Variants in KRT23 observed in about 807,000 individuals in gnomAD.
The protein encoded by KRT23 is keratin 23.
Under a neutral mutation model 47.6 loss-of-function variants are expected in KRT23, and 38 were observed. That is an observed-to-expected ratio of 0.80 (90% CI 0.62 to 1.05). KRT23 has a LOEUF of 1.05. KRT23 is among the 50% of genes least tolerant of loss of function. KRT23 has a pLI of 0.00. For missense variants in KRT23, 503 were observed against 529.5 expected, an observed-to-expected ratio of 0.95 and a Z score of 0.49; for synonymous variants, 191 against 199.0, an observed-to-expected ratio of 0.96 and a Z score of 0.34.
At chr17:40,925,060 C>A (rs546391053) in intron 7 of KRT23, 10 of 399,400 alleles carry the variant, frequency 2.5e-5, no homozygotes, top group African/African-American at 2.1e-4. Flanking sequence ...TTTTTGGAGC[C>A]AAAATTGTGT....
In KRT23 at chr17:40,930,081, G is replaced by A. The variant is rs892584042; in HGVS notation, c.495C>T (p.His165=). The change falls in exon 4 of 9, where the codon CAC becomes CAT. Residue 165 remains histidine, a synonymous_variant. Transcript: ENST00000209718. ...CAATTTCCAAGTCTTTCTTAAAGGA[G>A]TGTTCATTTTCATACCTTTGGTGAG... is the stretch of plus-strand genomic sequence containing the variant. ...DDFNLKYENE[H]SFKKDLEIEV... The A allele has an allele frequency of 9.9e-6, 16 of 1,613,994 alleles. No individual in the cohort carries two copies. Among genetic ancestry groups the A allele is most frequent in the Middle Eastern group, 1.6e-4 (1 of 6,084 alleles).
At chr17:40,928,706 C>T (rs548681877) in intron 4 of KRT23, 99 bp from the exon 5 acceptor site, 34 of 1,125,322 alleles carry the variant, frequency 3.0e-5, no homozygotes, top group African/African-American at 6.2e-5. Flanking sequence ...TTAAACATTC[C>T]GATTATGTGG....
chr17:40,936,150 C>T (rs549025096), intron 2 of KRT23, 58 bp downstream of exon 2: 22 of 1,595,264 alleles, frequency 1.4e-5, no homozygotes, highest in East Asian at 1.3e-4. Context: ...TTTTTCCTCC[C>T]GAGGGTCCCC....
At chr17:40,931,634 G>A (rs1406497177) in intron 2 of KRT23, among the ~76,000 whole-genome samples, 179 bp from the exon 3 acceptor site, 1 of 152,200 alleles carries the variant, frequency 6.6e-6, no homozygotes, top group Admixed American at 6.5e-5. Flanking sequence ...CACATACTAG[G>A]TGCAAAGCAG....
intron 6 of KRT23, among the ~76,000 whole-genome samples, chr17:40,927,403 A>T (rs1232300057): frequency 1.3e-5 from 2 of 152,178 alleles, no homozygotes; most frequent in South Asian, 2.1e-4. Context: ...TGTACTCATG[A>T]TCTCTACGTG....
In KRT23 at chr17:40,928,492, A is replaced by T; in HGVS notation, c.752T>A (p.Ile251Lys). Residue 251 changes from isoleucine to lysine, a missense_variant, in exon 5 of 9, where the codon ATA becomes AAA. Coordinates refer to ENST00000209718, the MANE Select transcript of KRT23 (RefSeq NM_015515.5). Reference protein sequence around the residue: ...LEDMRQEYELIIKKKHRDLDT... With the variant: ...LEDMRQEYELKIKKKHRDLDT... ...CAAGTCTCGATGCTTCTTCTTTATT[A>T]TAAGCTCATATTCTTGTCTCATATC... 6.2e-7 allele frequency: 1 copy of T among 1,614,148 alleles called. No homozygotes were observed.
At chr17:40,926,014 A>G (rs1313339373) in intron 6 of KRT23, among the ~76,000 whole-genome samples, 1 of 152,160 alleles carries the variant, frequency 6.6e-6, no homozygotes, top group Non-Finnish European at 1.5e-5. Context: ...TGCATGGGAC[A>G]TGCAAAAAAA....
intron 3 of KRT23, 104 bp downstream of exon 3, chr17:40,931,269 C>T (rs974755690): frequency 2.5e-6 from 2 of 802,448 alleles, no homozygotes; most frequent in African/African-American, 1.7e-5. Flanking sequence ...CTTGGCCTCC[C>T]AAAGTGCTGG....
Position 40,936,534 on chromosome 17 carries a change from G to A in KRT23, c.70C>T (p.Arg24Trp). Residue 24 changes from arginine (R) to tryptophan (W), a missense_variant, in exon 2 of 9, where the codon CGG (arginine) becomes TGG (tryptophan). Arg to Trp is a moderately radical substitution (Grantham distance 101). Transcript: ENST00000209718. The part of the protein sequence containing the change: ...SFHGAGGGWG[R>W]PRSFPRAPTV... ...GGAGCCCTGGGGAAGCTCCTGGGCCGGCCCCAGCCACCTCCGGCGCCATGG... is the reference window on the plus strand; with the variant it reads ...GGAGCCCTGGGGAAGCTCCTGGGCCAGCCCCAGCCACCTCCGGCGCCATGG... 4.6e-6 allele frequency: 7 copies of A among 1,522,340 alleles called. No individual in the cohort carries two copies. Among genetic ancestry groups the A allele is most frequent in the Non-Finnish European group, 5.3e-6 (6 of 1,138,182 alleles). The allele number at this position is 1,522,340 out of a possible 1,614,324, so 94.3% of individuals were successfully genotyped here. A position where few individuals can be genotyped will look rare whatever the true frequency, so the allele number is the denominator to read the frequency against.
intron 8 of KRT23, among the ~76,000 whole-genome samples, chr17:40,923,383 C>T (rs1174623035): frequency 6.6e-6 from 1 of 152,216 alleles, no homozygotes; most frequent in Non-Finnish European, 1.5e-5. Flanking sequence ...AGTTCTTTCT[C>T]TGCCTGTGGG....
In KRT23 at chr17:40,936,544, A is replaced by G; in HGVS notation, c.60T>C (p.Gly20=). ...TPSASFHGAG[G]GWGRPRSFPR... ...GGAAGCTCCTGGGCCGGCCCCAGCC[A>G]CCTCCGGCGCCATGGAAGGAGGCCG... The change falls in exon 2 of 9, where the codon GGT becomes GGC. Residue 20 remains glycine, a synonymous_variant. Coordinates refer to ENST00000209718, the MANE Select transcript of KRT23 (RefSeq NM_015515.5). The G allele has an allele frequency of 6.6e-7, 1 of 1,520,454 alleles. No individual in the cohort carries two copies. The highest frequency in any genetic ancestry group is 8.8e-7 in the Non-Finnish European group (1 of 1,137,176). 94.2% of individuals were successfully genotyped at this position (1,520,454 alleles called of 1,614,324 possible).
At chr17:40,924,183 C>T (rs192701859) in intron 8 of KRT23, among the ~76,000 whole-genome samples, 2 of 152,294 alleles carry the variant, frequency 1.3e-5, no homozygotes, top group Non-Finnish European at 2.9e-5. Context: ...AAATCATTGC[C>T]TCTTAGTTTT....
chr17:40,936,698 C>A lies in KRT23; in HGVS notation c.-95G>T. ...CAGACTGCCCTGGATGGTTTTATGG[C>A]CTTTGCTGTGGGAGTTCCCTTCTCT... On this transcript the variant is annotated 5_prime_UTR_variant, in exon 2 of 9. Transcript: ENST00000209718. The A allele has an allele frequency of 8.4e-7, 1 of 1,193,896 alleles. No individual in the cohort carries two copies. Among genetic ancestry groups the A allele is most frequent in the Non-Finnish European group, 1.1e-6 (1 of 891,548 alleles). The allele number at this position is 1,193,896 out of a possible 1,614,324, so 74.0% of individuals were successfully genotyped here.
chr17:40,931,071 G>A (rs1023841792), intron 3 of KRT23, among the ~76,000 whole-genome samples: 1 of 145,228 alleles, frequency 6.9e-6, no homozygotes, highest in Non-Finnish European at 1.5e-5. Flanking sequence ...AGTGTTAGTG[G>A]CGTGATCTTG....
intron 8 of KRT23, 69 bp downstream of exon 8, chr17:40,924,403 T>C: frequency 7.9e-7 from 1 of 1,268,830 alleles, no homozygotes; most frequent in Non-Finnish European, 1.2e-6. Context: ...GGATTATGAC[T>C]ACTACAAAAT....
intron 6 of KRT23, 139 bp downstream of exon 6, chr17:40,928,099 C>T (rs1909343483): frequency 1.4e-5 from 15 of 1,072,250 alleles, no homozygotes; most frequent in Non-Finnish European, 2.1e-5. Flanking sequence ...TTATGGTTCT[C>T]ATCATAAACA....
rs868357650 is a variant in KRT23 at position 40,922,733 on chromosome 17, T to C, written c.*256A>G. ...GGAGTTTTATTGGCTACAAAATAGA[T>C]GCAAAATGATGAGAATCTGAAGGCT... On this transcript the variant is annotated 3_prime_UTR_variant, in exon 9 of 9. Coordinates refer to ENST00000209718, the MANE Select transcript of KRT23 (RefSeq NM_015515.5). 8 of 346,086 alleles carry C rather than the reference T, an allele frequency of 2.3e-5. No homozygotes were observed. The highest frequency in any genetic ancestry group is 1.4e-4 in the Admixed American group (3 of 21,410). The allele number at this position is 346,086 out of a possible 1,614,324, so 21.4% of individuals were successfully genotyped here. A position where few individuals can be genotyped will look rare whatever the true frequency, so the allele number is the denominator to read the frequency against.
In KRT23 at chr17:40,937,625, C is replaced by G. The variant is rs1910187637; in HGVS notation, c.-630G>C. The G allele has an allele frequency of 6.6e-6, 1 of 152,192 alleles. No homozygotes were observed. Among genetic ancestry groups the G allele is most frequent in the Non-Finnish European group, 1.5e-5 (1 of 68,066 alleles). 9.4% of individuals were successfully genotyped at this position (152,192 alleles called of 1,614,324 possible). The stretch of plus-strand genomic sequence containing the variant: ...AATGAATAAAGAAGCAGTCTGGGGG[C>G]GGGAGCCACGTGCTAGTTACTGGCA... On this transcript the variant is annotated 5_prime_UTR_variant, in exon 1 of 9. Transcript: ENST00000209718.
At chr17:40,931,590 C>A in intron 2 of KRT23, 135 bp from the exon 3 acceptor site, 2 of 646,820 alleles carry the variant, frequency 3.1e-6, no homozygotes, top group South Asian at 1.9e-5. Flanking sequence ...GGCAGTGGAA[C>A]AATGAATAAC....
Sources: gnomAD v4.1 joint callset for allele counts (sites outside exome capture counted in the v4.1 genomes callset) on GRCh38, gnomAD v4.1.1 for gene constraint, MANE v1.5 for transcripts, NCBI Gene and HGNC (gene_info 2026-07-23, HGNC 2026-07-21) for gene names.